Variants in ILRUN observed in about 807,000 individuals in gnomAD.
ILRUN encodes inflammation and lipid regulator with UBA-like and NBR1-like domains.
In ILRUN, 3 loss-of-function variants were observed where a neutral mutation model predicts 33.8. That is an observed-to-expected ratio of 0.09 (90% CI 0.04 to 0.23). The LOEUF is 0.23. Among genes scored for constraint, ILRUN ranks in the 10% least tolerant of loss-of-function variants. The probability of loss-of-function intolerance (pLI) is 1.00; values close to 1 mark genes in which losing one functional copy is unlikely to be tolerated. For synonymous variants in ILRUN, 124 were observed against 138.9 expected, an observed-to-expected ratio of 0.89 and a Z score of 0.75; for missense variants, 210 against 375.1, an observed-to-expected ratio of 0.56 and a Z score of 3.64.
At chr6:34,605,753 A>G (rs148595170) in intron 4 of ILRUN, among the ~76,000 whole-genome samples, 284 of 152,362 alleles carry the variant, frequency 1.9e-3, no homozygotes, top group African/African-American at 6.3e-3. Context: ...GAACGCCAAC[A>G]TGAATTGAAG....
intron 1 of ILRUN, among the ~76,000 whole-genome samples, chr6:34,683,727 A>G (rs968475951): frequency 6.6e-6 from 1 of 151,764 alleles, no homozygotes; most frequent in African/African-American, 2.4e-5. Flanking sequence ...TTTGGTCTTC[A>G]GTGTTTTAAA....
In ILRUN at chr6:34,693,514, C is replaced by A. The variant is rs900947479; in HGVS notation, c.158+2932G>T. Among the ~76,000 whole-genome samples, 4 of 152,094 alleles carry A rather than the reference C, an allele frequency of 2.6e-5. No individual in the cohort carries two copies. The East Asian group carries it at 5.8e-4, about 22-fold the overall frequency. On this transcript the variant is annotated intron_variant, in intron 1 of 4. Coordinates refer to ENST00000374023, the MANE Select transcript of ILRUN (RefSeq NM_024294.4). The stretch of plus-strand genomic sequence containing the variant: ...GGGACTACACGCATGCACCACCACA[C>A]CTGGCCCAGAACACATTTTCTTAAC...
intron 1 of ILRUN, among the ~76,000 whole-genome samples, chr6:34,681,727 A>G (rs1763361199): frequency 6.6e-6 from 1 of 152,110 alleles, no homozygotes; most frequent in Admixed American, 6.6e-5. Flanking sequence ...TAGATAGTTT[A>G]CTTATTAACA....
chr6:34,676,442 C>CTAGATAGA lies in ILRUN; in HGVS notation c.158+19996_158+20003dup, dbSNP rs1554188908. Reference sequence around the variant, plus strand: ...CAGATAGATATAGCTAGCTAGCTAGCTAGATAGATAGATATAGCTAGCTAG... The same window carrying CTAGATAGA: ...CAGATAGATATAGCTAGCTAGCTAGCTAGATAGATAGATAGATAGATATAGCTAGCTAG... On this transcript the variant is annotated intron_variant, in intron 1 of 4. Coordinates refer to ENST00000374023, the MANE Select transcript of ILRUN (RefSeq NM_024294.4). Among the ~76,000 whole-genome samples, 840 of 149,506 alleles carry CTAGATAGA rather than the reference C, an allele frequency of 5.6e-3. 8 individuals carry two copies. The highest frequency in any genetic ancestry group is 0.011 in the African/African-American group (451 of 40,052).
chr6:34,643,816 C>T (rs545431347), intron 3 of ILRUN, among the ~76,000 whole-genome samples: 33 of 152,368 alleles, frequency 2.2e-4, no homozygotes, highest in African/African-American at 7.9e-4. Flanking sequence ...AATTCTCCTG[C>T]CTCAGCCTCC....
intron 1 of ILRUN, among the ~76,000 whole-genome samples, chr6:34,678,770 G>A (rs1763292248): frequency 6.9e-6 from 1 of 145,380 alleles, no homozygotes; most frequent in African/African-American, 2.6e-5. Flanking sequence ...CAGGAGAATG[G>A]CGAGAACCCG....
At position 34,607,037 on chromosome 6, in the gene ILRUN, G is replaced by C. The variant is rs1052812493; in HGVS notation, c.512-133C>G. On this transcript the variant is annotated intron_variant, in intron 3 of 4. Coordinates refer to ENST00000374023, the MANE Select transcript of ILRUN (RefSeq NM_024294.4). ...TTCTATATGCTAGTTTTAAAAGCTT[G>C]CTAACAAAGCTGCCTGGTACATTTG... is the stretch of plus-strand genomic sequence containing the variant. 3 of 690,038 alleles carry C rather than the reference G, an allele frequency of 4.3e-6. No homozygotes were observed. The African/African-American group carries it at 5.4e-5, about 12-fold the overall frequency. The allele number at this position is 690,038 out of a possible 1,614,324, so 42.7% of individuals were successfully genotyped here.
chr6:34,635,252 G>A (rs1315729541), intron 3 of ILRUN, among the ~76,000 whole-genome samples: 1 of 152,100 alleles, frequency 6.6e-6, no homozygotes, highest in Non-Finnish European at 1.5e-5. Flanking sequence ...AAATCTGGCT[G>A]GGCACAGTGG....
chr6:34,634,886 T>C (rs1279432265), intron 3 of ILRUN, among the ~76,000 whole-genome samples: 1 of 149,720 alleles, frequency 6.7e-6, no homozygotes, highest in Admixed American at 6.6e-5. Context: ...AGAAAAAAAA[T>C]GGTACAACGT....
At chr6:34,664,465 C>T (rs983336248) in intron 1 of ILRUN, among the ~76,000 whole-genome samples, 4 of 152,096 alleles carry the variant, frequency 2.6e-5, no homozygotes, top group Non-Finnish European at 5.9e-5. Context: ...GCCACAGCAC[C>T]GGGATCAAAA....
intron 2 of ILRUN, among the ~76,000 whole-genome samples, chr6:34,648,595 G>A (rs1030857863): frequency 5.9e-5 from 9 of 152,130 alleles, no homozygotes; most frequent in Non-Finnish European, 8.8e-5. Context: ...GACAATACAC[G>A]CAACTTATCT....
intron 3 of ILRUN, among the ~76,000 whole-genome samples, chr6:34,645,407 C>T (rs894617740): frequency 6.6e-6 from 1 of 152,116 alleles, no homozygotes; most frequent in Non-Finnish European, 1.5e-5. Context: ...CAGGCGCTCA[C>T]TCTGTAATTC....
intron 3 of ILRUN, among the ~76,000 whole-genome samples, chr6:34,635,380 T>C (rs1342866962): frequency 6.6e-6 from 1 of 151,816 alleles, no homozygotes; most frequent in Non-Finnish European, 1.5e-5. Flanking sequence ...AAATGCACAT[T>C]AGCGGGGTGT....
chr6:34,618,909 G>A (rs1490334504), intron 3 of ILRUN, among the ~76,000 whole-genome samples: 1 of 152,182 alleles, frequency 6.6e-6, no homozygotes, highest in Non-Finnish European at 1.5e-5. Context: ...GGAAAACCGG[G>A]AGTCTATGGT....
intron 4 of ILRUN, among the ~76,000 whole-genome samples, chr6:34,593,309 C>T (rs1031887469): frequency 1.3e-5 from 2 of 151,916 alleles, no homozygotes; most frequent in African/African-American, 4.8e-5. Flanking sequence ...AATTTAACTG[C>T]TTTCCAGTCC....
At chr6:34,595,053 T>C (rs1185229874) in intron 4 of ILRUN, among the ~76,000 whole-genome samples, 1 of 152,224 alleles carries the variant, frequency 6.6e-6, no homozygotes, top group Non-Finnish European at 1.5e-5. Flanking sequence ...TTTACAGACA[T>C]AAAGATGAGC....
intron 1 of ILRUN, among the ~76,000 whole-genome samples, chr6:34,693,305 TG>T (rs1241694915): frequency 2.0e-5 from 3 of 152,192 alleles, no homozygotes; most frequent in Non-Finnish European, 2.9e-5. Flanking sequence ...CTTAACTGCA[TG>T]GATTTCTAAG....
chr6:34,604,349 A>T (rs1241008534), intron 4 of ILRUN, among the ~76,000 whole-genome samples: 1 of 152,208 alleles, frequency 6.6e-6, no homozygotes, highest in Non-Finnish European at 1.5e-5. Flanking sequence ...GGTGGTTAAA[A>T]AGCATCAGTC....
chr6:34,660,391 T>C (rs1283592202), intron 1 of ILRUN, among the ~76,000 whole-genome samples: 5 of 151,978 alleles, frequency 3.3e-5, no homozygotes, highest in African/African-American at 1.2e-4. Flanking sequence ...ATACCTTTTC[T>C]TTCCATTCTC....
Sources: allele counts gnomAD v4.1 joint callset (sites outside exome capture counted in the v4.1 genomes callset), GRCh38; gene constraint gnomAD v4.1.1; transcripts MANE v1.5; gene names NCBI Gene and HGNC (gene_info 2026-07-23, HGNC 2026-07-21).